Variants in PTPRD observed in about 807,000 individuals in gnomAD.
The protein encoded by PTPRD is receptor-type tyrosine-protein phosphatase delta.
PTPRD carries 34 observed loss-of-function variants against 214.5 expected under a neutral mutation model. That is an observed-to-expected ratio of 0.16 (90% CI 0.12 to 0.21). PTPRD has a LOEUF of 0.21. Ranked by LOEUF, PTPRD falls within the 10% of genes least tolerant of loss-of-function variation. The pLI, the probability that PTPRD is intolerant of heterozygous loss-of-function variation, is 1.00. For missense variants in PTPRD, 2,545 were observed against 2,398.7 expected (o/e 1.06, Z -1.27); for synonymous variants, 1,128 against 845.7 (o/e 1.33, Z -5.79).
chr9:10,504,515 T>C (rs910269477), intron 2 of PTPRD, among the ~76,000 whole-genome samples: 1 of 152,120 alleles, frequency 6.6e-6, no homozygotes, highest in Non-Finnish European at 1.5e-5. Context: ...TTTCCAAAGA[T>C]AAGAGCTTGG....
At chr9:10,211,951 A>G (rs768866402) in intron 3 of PTPRD, among the ~76,000 whole-genome samples, 16 of 152,150 alleles carry the variant, frequency 1.1e-4, no homozygotes, top group Non-Finnish European at 2.2e-4. Context: ...AAATGTATAC[A>G]ACATTTTTTA....
chr9:9,236,873 G>A (rs533174163), intron 9 of PTPRD, among the ~76,000 whole-genome samples: 1 of 152,166 alleles, frequency 6.6e-6, no homozygotes, highest in African/African-American at 2.4e-5. Context: ...TCAATGTGTT[G>A]TCTAAGCTTT....
intron 11 of PTPRD, among the ~76,000 whole-genome samples, chr9:8,849,442 G>T (rs535702489): frequency 6.0e-4 from 92 of 152,190 alleles, no homozygotes; most frequent in African/African-American, 2.0e-3. Context: ...TAGCCAGAAT[G>T]GTCTCGATCT....
At chr9:9,339,947 A>C (rs1164707362) in intron 9 of PTPRD, among the ~76,000 whole-genome samples, 2 of 152,162 alleles carry the variant, frequency 1.3e-5, no homozygotes, top group African/African-American at 4.8e-5. Context: ...TCTATTTTGG[A>C]AGCCTTTTAT....
chr9:10,529,443 T>G (rs1286319884), intron 2 of PTPRD, among the ~76,000 whole-genome samples: 2 of 150,632 alleles, frequency 1.3e-5, no homozygotes, highest in African/African-American at 4.9e-5. Context: ...GCTGGAAACC[T>G]TCATTCTCAG....
chr9:9,547,365 C>G (rs2079046362), intron 8 of PTPRD, among the ~76,000 whole-genome samples: 1 of 152,066 alleles, frequency 6.6e-6, no homozygotes. Context: ...TGGAAATCCT[C>G]TCTCCCTTTT....
At chr9:10,609,473 C>G (rs2080363136) in intron 2 of PTPRD, among the ~76,000 whole-genome samples, 1 of 152,052 alleles carries the variant, frequency 6.6e-6, no homozygotes, top group Admixed American at 6.6e-5. Flanking sequence ...CCAGTGGTAA[C>G]CACAATAATT....
At chr9:9,902,283 T>C (rs547243057) in intron 5 of PTPRD, among the ~76,000 whole-genome samples, 61 of 152,354 alleles carry the variant, frequency 4.0e-4, no homozygotes, top group Non-Finnish European at 7.3e-4. Context: ...TTCTAATTTA[T>C]GTATCTTTGT....
intron 35 of PTPRD, among the ~76,000 whole-genome samples, chr9:8,429,123 T>A (rs1249721996): frequency 2.0e-5 from 3 of 152,206 alleles, no homozygotes; most frequent in African/African-American, 7.2e-5. Context: ...ACTATGACAT[T>A]TTCACAGAAA....
rs771280890 is a variant in PTPRD at position 8,398,410 on chromosome 9, G to A, written c.4210+6127C>T. The stretch of plus-strand genomic sequence containing the variant: ...CTGAGCAGCATATAGGCCCTCCTAA[G>A]AAGGTACTTACTTTTACTTATTAAA... On this transcript the variant is annotated intron_variant, in intron 36 of 45. Coordinates refer to ENST00000381196, the MANE Select transcript of PTPRD (RefSeq NM_002839.4). Among the ~76,000 whole-genome samples, 21 of 152,234 alleles carry A rather than the reference G, an allele frequency of 1.4e-4. No homozygotes were observed. The South Asian group carries it at 1.9e-3, about 14-fold the overall frequency.
intron 9 of PTPRD, among the ~76,000 whole-genome samples, chr9:9,214,907 G>A (rs970825960): frequency 6.6e-6 from 1 of 152,098 alleles, no homozygotes; most frequent in Non-Finnish European, 1.5e-5. Context: ...TAACGTAATC[G>A]AGATAACACA....
chr9:10,558,472 G>T (rs74800983), intron 2 of PTPRD, among the ~76,000 whole-genome samples: 1 of 151,964 alleles, frequency 6.6e-6, no homozygotes, highest in Non-Finnish European at 1.5e-5. Context: ...TCATCATGTT[G>T]TCTGAACCTT....
At chr9:9,137,163 A>C (rs749758194) in intron 10 of PTPRD, among the ~76,000 whole-genome samples, 3 of 152,202 alleles carry the variant, frequency 2.0e-5, no homozygotes, top group Non-Finnish European at 4.4e-5. Context: ...GCAAATTGCT[A>C]TTGAAGAGGA....
intron 2 of PTPRD, among the ~76,000 whole-genome samples, chr9:10,361,750 G>A (rs1390211603): frequency 6.6e-6 from 1 of 152,024 alleles, no homozygotes; most frequent in African/African-American, 2.4e-5. Flanking sequence ...CTATTTAAAA[G>A]AATAAGAGTC....
intron 8 of PTPRD, among the ~76,000 whole-genome samples, chr9:9,511,695 T>C (rs1482962645): frequency 6.6e-6 from 1 of 151,812 alleles, no homozygotes; most frequent in Admixed American, 6.6e-5. Flanking sequence ...TCTCAAATGT[T>C]TATTAATTCT....
At chr9:8,849,648 A>C (rs56751479) in intron 11 of PTPRD, among the ~76,000 whole-genome samples, 2,303 of 152,306 alleles carry the variant, frequency 0.015, 55 homozygotes, top group African/African-American at 0.051. Context: ...GAGAAAGGAG[A>C]TTCCAGGAAC....
At chr9:8,626,801 T>C (rs1443046691) in intron 14 of PTPRD, among the ~76,000 whole-genome samples, 1 of 151,716 alleles carries the variant, frequency 6.6e-6, no homozygotes, top group Non-Finnish European at 1.5e-5. Flanking sequence ...GGACTAGAAC[T>C]GCACATCAAC....
Position 9,822,471 on chromosome 9 carries a change from A to G in PTPRD, c.-367-55620T>C, listed in dbSNP as rs538799089. Among the ~76,000 whole-genome samples the G allele has an allele frequency of 4.7e-4, 70 of 148,048 alleles. 3 individuals are homozygous for G. The South Asian group carries it at 0.015, about 31-fold the overall frequency. On this transcript the variant is annotated intron_variant, in intron 5 of 45. Transcript: ENST00000381196. Reference sequence around the variant, plus strand: ...ACATAATATACAATATATATGTAATATATACATAATATATACAGAACATAT... The same window carrying G: ...ACATAATATACAATATATATGTAATGTATACATAATATATACAGAACATAT...
intron 8 of PTPRD, among the ~76,000 whole-genome samples, chr9:9,507,226 G>C (rs1160383443): frequency 6.6e-6 from 1 of 151,164 alleles, no homozygotes; most frequent in Non-Finnish European, 1.5e-5. Context: ...TGTCTGAAAA[G>C]AAGCAAGGAT....
Sources: allele counts gnomAD v4.1 joint callset (sites outside exome capture counted in the v4.1 genomes callset), GRCh38; gene constraint gnomAD v4.1.1; transcripts MANE v1.5; gene names NCBI Gene and HGNC (gene_info 2026-07-23, HGNC 2026-07-21).